NRG1: variants seen among roughly 807,000 people sequenced by gnomAD.
NRG1 encodes pro-neuregulin-1, membrane-bound isoform.
In NRG1, 18 loss-of-function variants were observed where a neutral mutation model predicts 63.8. The observed-to-expected ratio is 0.28, with a 90% CI of 0.19 to 0.42. The LOEUF (loss-of-function observed/expected upper bound fraction) is 0.42. NRG1 is among the 10% of genes least tolerant of loss of function. The pLI, the probability that NRG1 is intolerant of heterozygous loss-of-function variation, is 1.00. For missense variants in NRG1, 762 were observed against 814.7 expected, an observed-to-expected ratio of 0.94 and a Z score of 0.79; for synonymous variants, 302 against 301.3, an observed-to-expected ratio of 1.00 and a Z score of -0.02.
At chr8:32,628,987 G>A (rs1421754288) in intron 5 of NRG1, among the ~76,000 whole-genome samples, 1 of 152,070 alleles carries the variant, frequency 6.6e-6, no homozygotes, top group Non-Finnish European at 1.5e-5. Flanking sequence ...ACCCGCCTTG[G>A]CCTCCCAAAG....
intron 1 of NRG1, among the ~76,000 whole-genome samples, chr8:32,169,285 T>C (rs1275870636): frequency 1.3e-5 from 2 of 152,238 alleles, no homozygotes; most frequent in African/African-American, 2.4e-5. Flanking sequence ...CTTTTTCAGA[T>C]ACTAAATCAT....
chr8:31,783,928 CATTTTCTTATACAAT>C (rs1326298523), intron 1 of NRG1, among the ~76,000 whole-genome samples: 1 of 152,164 alleles, frequency 6.6e-6, no homozygotes, highest in Non-Finnish European at 1.5e-5. Flanking sequence ...ACCTTCCATA[CATTTTCTTATACAAT>C]ATTTATAAAA....
At chr8:32,698,003 C>T (rs555196742) in intron 5 of NRG1, among the ~76,000 whole-genome samples, 3 of 152,136 alleles carry the variant, frequency 2.0e-5, no homozygotes, top group East Asian at 1.9e-4. Context: ...GTCAAGAGAT[C>T]GTGACCATCC....
In NRG1 at chr8:32,193,930, C is replaced by T. The variant is rs1842734307; in HGVS notation, c.38-401898C>T. On this transcript the variant is annotated intron_variant, in intron 1 of 10. Transcript: ENST00000519301. ...AGGAAGGCCTGGGACAGGCCCTTCT[C>T]TAGCACCTGCAGAGGAAGCAGCCCT... Among the ~76,000 whole-genome samples, 4 of 152,344 alleles carry T rather than the reference C, an allele frequency of 2.6e-5. No individual in the cohort carries two copies. In the South Asian group the frequency reaches 8.3e-4, roughly 32 times the overall value.
chr8:31,749,870 TA>T (rs1816275824), intron 1 of NRG1, among the ~76,000 whole-genome samples: 1 of 141,036 alleles, frequency 7.1e-6, no homozygotes, highest in Non-Finnish European at 1.6e-5. Context: ...TCTGTTTGTT[TA>T]TTTTTTTTAT....
Position 31,640,815 on chromosome 8 carries a change from G to C in NRG1, c.37+1384G>C. ...GGGCAGCGGGGCTCGACGGCCGCCC[G>C]AGCAAGGCAGAGGCGCTCTGGGTCC... On this transcript the variant is annotated intron_variant, in intron 1 of 10. Coordinates refer to the NRG1 transcript ENST00000519301. This position sits in a 1 kb window ranked among gnomAD's most constrained non-coding sequence, Gnocchi z 6.3. The C allele has an allele frequency of 7.0e-7, 1 of 1,428,396 alleles. No homozygotes were observed. The highest frequency in any genetic ancestry group is 9.1e-7 in the Non-Finnish European group (1 of 1,093,150). The allele number at this position is 1,428,396 out of a possible 1,614,324, so 88.5% of individuals were successfully genotyped here.
At chr8:31,652,044 C>T (rs1804901738) in intron 1 of NRG1, among the ~76,000 whole-genome samples, 1 of 152,220 alleles carries the variant, frequency 6.6e-6, no homozygotes. Context: ...ACTCTACCCT[C>T]ACTGCTAGTA....
intron 6 of NRG1, among the ~76,000 whole-genome samples, chr8:32,730,460 A>G (rs1823352466): frequency 6.6e-6 from 1 of 152,160 alleles, no homozygotes; most frequent in Non-Finnish European, 1.5e-5. Context: ...AAATAAATAA[A>G]TAAATAGAAT....
chr8:31,662,630 C>T (rs1806109171), intron 1 of NRG1, among the ~76,000 whole-genome samples: 1 of 152,142 alleles, frequency 6.6e-6, no homozygotes, highest in African/African-American at 2.4e-5. Flanking sequence ...AAGTCAAGGT[C>T]GTCACCTTTT....
At chr8:32,544,093 T>C (rs1292791815), upstream of NRG1, among the ~76,000 whole-genome samples, 2 of 152,188 alleles carry the variant, frequency 1.3e-5, no homozygotes, top group Non-Finnish European at 2.9e-5. Context: ...TATAGTGATA[T>C]TATGTAACAG....
chr8:31,771,087 A>G (rs999476267), intron 1 of NRG1, among the ~76,000 whole-genome samples: 1 of 152,140 alleles, frequency 6.6e-6, no homozygotes, highest in African/African-American at 2.4e-5. Flanking sequence ...AACCACCACT[A>G]CAATCAGAAT....
intron 1 of NRG1, among the ~76,000 whole-genome samples, chr8:31,695,430 A>G (rs1809960560): frequency 6.6e-6 from 1 of 152,186 alleles, no homozygotes; most frequent in Non-Finnish European, 1.5e-5. Context: ...GTGGCCTCCC[A>G]AAGTGCTGGG....
chr8:31,930,815 A>T (rs933470477), intron 1 of NRG1, among the ~76,000 whole-genome samples: 1 of 152,156 alleles, frequency 6.6e-6, no homozygotes, highest in Non-Finnish European at 1.5e-5. Context: ...ATAAAATTTG[A>T]ACTGCACTAT....
chr8:31,768,056 T>C (rs1442445118), intron 1 of NRG1, among the ~76,000 whole-genome samples: 1 of 152,076 alleles, frequency 6.6e-6, no homozygotes, highest in Non-Finnish European at 1.5e-5. Context: ...AGGGCTGGAG[T>C]ATCTTCTTAG....
At chr8:32,157,041 T>G (rs1443480706) in intron 1 of NRG1, among the ~76,000 whole-genome samples, 1 of 141,304 alleles carries the variant, frequency 7.1e-6, no homozygotes, top group East Asian at 2.1e-4. Context: ...ATACTTCAAA[T>G]TAAAACTCGT....
intron 1 of NRG1, among the ~76,000 whole-genome samples, chr8:31,990,577 G>A (rs1810892672): frequency 6.6e-6 from 1 of 152,070 alleles, no homozygotes; most frequent in African/African-American, 2.4e-5. Context: ...TGTGTAAGAA[G>A]AAAATAAGAT....
chr8:31,995,617 G>A (rs193029533), intron 1 of NRG1, among the ~76,000 whole-genome samples: 1 of 151,856 alleles, frequency 6.6e-6, no homozygotes, highest in Non-Finnish European at 1.5e-5. Context: ...ATGTCTGATC[G>A]TTGGGCGGGG....
chr8:32,482,057 A>G (rs1825349851), intron 1 of NRG1, among the ~76,000 whole-genome samples: 1 of 152,208 alleles, frequency 6.6e-6, no homozygotes, highest in African/African-American at 2.4e-5. Flanking sequence ...AAACAAACAA[A>G]TGATGACGCT....
intron 1 of NRG1, among the ~76,000 whole-genome samples, chr8:31,818,784 GC>G: frequency 6.6e-6 from 1 of 152,238 alleles, no homozygotes; most frequent in African/African-American, 2.4e-5. Context: ...TAGGCTGGGC[GC>G]GGTGGCTCAC....
Sources: gnomAD v4.1 joint callset for allele counts (sites outside exome capture counted in the v4.1 genomes callset) on GRCh38, gnomAD v4.1.1 for gene constraint, Gnocchi (gnomAD v3.1) non-coding constraint, MANE v1.5 for transcripts, NCBI Gene and HGNC (gene_info 2026-07-23, HGNC 2026-07-21) for gene names.